Variants in STAB1 observed in about 807,000 individuals in gnomAD.
STAB1 encodes stabilin 1, also known as stabilin-1.
A neutral mutation model predicts 332.4 loss-of-function variants in STAB1; 250 were observed. The observed-to-expected ratio is 0.75, with a 90% CI of 0.68 to 0.84. The LOEUF (loss-of-function observed/expected upper bound fraction) is 0.84, where lower values mean the gene tolerates loss of function less well. STAB1 is among the 40% of genes least tolerant of loss of function. STAB1 has a pLI of 0.00. For synonymous variants in STAB1, 1,475 were observed against 1,390.4 expected, an observed-to-expected ratio of 1.06 and a Z score of -1.35; for missense variants, 3,249 against 3,489.7, an observed-to-expected ratio of 0.93 and a Z score of 1.74.
At position 52,510,441 on chromosome 3, in the gene STAB1, G is replaced by A; in HGVS notation, c.2721G>A (p.Glu907=). The change falls in exon 25 of 69, where the codon GAG becomes GAA. Residue 907 remains glutamate (E), a synonymous_variant. Coordinates refer to ENST00000321725, the MANE Select transcript of STAB1 (RefSeq NM_015136.3). ...GCCGCGTCTGTGTGGCTATTGACGA[G>A]TGTGAGCTGGACATGAGAGGTGGCT... ...GDGRVCVAID[E]CELDMRGGCH... 6.2e-7 allele frequency: 1 copy of A among 1,613,744 alleles called. No homozygotes were observed. Among genetic ancestry groups the A allele is most frequent in the Non-Finnish European group, 8.5e-7 (1 of 1,179,918 alleles).
intron 40 of STAB1, 35 bp downstream of exon 40, chr3:52,516,622 G>A: frequency 6.2e-7 from 1 of 1,612,604 alleles, no homozygotes; most frequent in Non-Finnish European, 8.5e-7. Context: ...GTGGGTGAGT[G>A]GCGGGGAGCC....
intron 1 of STAB1, among the ~76,000 whole-genome samples, chr3:52,497,855 T>C (rs1259225446): frequency 6.6e-6 from 1 of 152,172 alleles, no homozygotes; most frequent in Non-Finnish European, 1.5e-5. Context: ...CCGGGTAACC[T>C]GTTCAGTAAG....
chr3:52,504,284 G>T (rs7613444), intron 10 of STAB1, 129 bp downstream of exon 10: 6 of 1,467,308 alleles, frequency 4.1e-6, no homozygotes, highest in East Asian at 2.5e-5. Context: ...GGTGGCTGTG[G>T]GGGGTGCATG....
Position 52,524,398 on chromosome 3 carries a change from C to T in STAB1, c.*42C>T. On this transcript the variant is annotated 3_prime_UTR_variant, in exon 69 of 69. Transcript: ENST00000321725. ...AGCAGAAGCATGCACAGGGAGGAGA[C>T]CACTTTTATTGCTTGTCTGGGTGGA... 6.2e-7 allele frequency: 1 copy of T among 1,612,754 alleles called. No individual in the cohort carries two copies. Among genetic ancestry groups the T allele is most frequent in the Non-Finnish European group, 8.5e-7 (1 of 1,179,510 alleles).
chr3:52,514,445 C>A lies in STAB1; in HGVS notation c.3627C>A (p.Asn1209Lys). 2.6e-6 allele frequency: 4 copies of A among 1,555,010 alleles called. No homozygotes were observed. The highest frequency in any genetic ancestry group is 3.5e-6 in the Non-Finnish European group (4 of 1,150,142). Residue 1209 changes from asparagine to lysine, a missense_variant, in exon 34 of 69, where the codon AAC becomes AAA. Physicochemically the swap from Asn to Lys is moderately conservative, Grantham distance 94. Transcript: ENST00000321725. ...CCCTGCGGAAGGGTGGACACCGCAA[C>A]TCCCTCCTGGGCCCTGCCCACTGGA... is the stretch of plus-strand genomic sequence containing the variant. Reference protein sequence around the residue: ...METLRKGGHRNSLLGPAHWIV... With the variant: ...METLRKGGHRKSLLGPAHWIV...
intron 18 of STAB1, 104 bp downstream of exon 18, chr3:52,506,954 C>T (rs1221535234): frequency 1.4e-5 from 21 of 1,494,882 alleles, no homozygotes; most frequent in East Asian, 4.7e-5. Context: ...GCTGGGCTGA[C>T]GCCGGCTCTG....
chr3:52,497,538 A>G (rs2153232401), intron 1 of STAB1, among the ~76,000 whole-genome samples: 1 of 148,756 alleles, frequency 6.7e-6, no homozygotes, highest in Admixed American at 6.9e-5. Context: ...TCAGCCTCCC[A>G]AGTAGCTGGG....
intron 48 of STAB1, 139 bp downstream of exon 48, chr3:52,519,008 G>A (rs2078979303): frequency 3.5e-6 from 4 of 1,139,448 alleles, no homozygotes; most frequent in East Asian, 2.6e-5. Flanking sequence ...AGTCCAGCCC[G>A]GGACTCCGCC....
chr3:52,497,724 T>G (rs1346078265), intron 1 of STAB1, among the ~76,000 whole-genome samples: 1 of 152,190 alleles, frequency 6.6e-6, no homozygotes, highest in Non-Finnish European at 1.5e-5. Flanking sequence ...CGATTCCATT[T>G]TATACCAGGG....
intron 20 of STAB1, 111 bp downstream of exon 20, chr3:52,508,137 C>G: frequency 7.3e-7 from 1 of 1,368,564 alleles, no homozygotes; most frequent in Non-Finnish European, 1.0e-6. Context: ...TGCACTGCAG[C>G]CTGACGGTGG....
At chr3:52,504,193 C>T (rs753670732) in intron 10 of STAB1, 38 bp downstream of exon 10, 1 of 1,557,734 alleles carries the variant, frequency 6.4e-7, no homozygotes, top group Non-Finnish European at 8.7e-7. Flanking sequence ...CCCGACCCCT[C>T]ACCCCCAGCA....
chr3:52,521,650 C>T lies in STAB1; in HGVS notation c.6113C>T (p.Ser2038Phe), dbSNP rs945465357. 2 of 1,613,066 alleles carry T rather than the reference C, an allele frequency of 1.2e-6. No individual in the cohort carries two copies. Among genetic ancestry groups the T allele is most frequent in the East Asian group, 4.5e-5 (2 of 44,896 alleles). ...GATGAGGGCCTTGGGGGCTCTGGCT[C>T]CTGCTTCTGTGATGAAGGCTGGACT... ...RCDEGLGGSG[S>F]CFCDEGWTGP... Residue 2038 changes from serine to phenylalanine, a missense_variant, in exon 57 of 69, where the codon TCC becomes TTC. By Grantham distance (155) the Ser-to-Phe change is radical. Coordinates refer to ENST00000321725, the MANE Select transcript of STAB1 (RefSeq NM_015136.3).
At position 52,512,434 on chromosome 3, in the gene STAB1, C is replaced by G. The variant is rs775116681; in HGVS notation, c.2977C>G (p.Arg993Gly). 1.2e-5 allele frequency: 20 copies of G among 1,609,918 alleles called. No individual in the cohort carries two copies. The highest frequency in any genetic ancestry group is 1.4e-5 in the Non-Finnish European group (17 of 1,178,306). Residue 993 changes from arginine (R) to glycine (G), a missense_variant and splice_region_variant, in exon 27 of 69, where the codon CGG (arginine) becomes GGG (glycine). Arg to Gly is a moderately radical substitution (Grantham distance 125). Transcript: ENST00000321725. Reference sequence around the variant, plus strand: ...CTTCAGCTGTTATGGAGACATCTTCCGGGTAAGGGGTGCTCAGACTCGTTT... The same window carrying G: ...CTTCAGCTGTTATGGAGACATCTTCGGGGTAAGGGGTGCTCAGACTCGTTT... ...DGFSCYGDIF[R>G]ELEANAHFSI... is the part of the protein sequence containing the mutation.
chr3:52,504,187 A>AC (rs1708671547), intron 10 of STAB1, 32 bp downstream of exon 10: 1 of 1,562,714 alleles, frequency 6.4e-7, no homozygotes, highest in Non-Finnish European at 8.6e-7. Context: ...CCACGACCCG[A>AC]CCCCTCACCC....
chr3:52,502,978 T>C (rs1708562525), intron 6 of STAB1, 21 bp from the exon 7 acceptor site: 4 of 1,527,292 alleles, frequency 2.6e-6, no homozygotes, highest in Non-Finnish European at 3.5e-6. Flanking sequence ...GGCTCATCAG[T>C]GCTCTCTCCA....
intron 59 of STAB1, 45 bp from the exon 60 acceptor site, chr3:52,522,285 G>C (rs770922183): frequency 8.1e-6 from 13 of 1,611,304 alleles, no homozygotes; most frequent in South Asian, 2.2e-5. Context: ...CAGAACTTCC[G>C]ACCTCTGAAG....
intron 14 of STAB1, 121 bp downstream of exon 14, chr3:52,505,502 G>A: frequency 1.6e-6 from 2 of 1,232,582 alleles, no homozygotes; most frequent in Non-Finnish European, 2.3e-6. Context: ...CTCTGCCCAT[G>A]CCCCCGTCCT....
intron 23 of STAB1, 36 bp downstream of exon 23, chr3:52,510,092 A>G: frequency 1.2e-6 from 2 of 1,613,400 alleles, no homozygotes; most frequent in Non-Finnish European, 8.5e-7. Flanking sequence ...CCCACCCGTG[A>G]CCTTTCATAC....
Position 52,521,618 on chromosome 3 carries a change from C to T in STAB1, c.6081C>T (p.Gly2027=), listed in dbSNP as rs867011897. 5 of 1,612,874 alleles carry T rather than the reference C, an allele frequency of 3.1e-6. No homozygotes were observed. Among genetic ancestry groups the T allele is most frequent in the Admixed American group, 3.3e-5 (2 of 59,932 alleles). ...HCQACRCTVH[G]RCDEGLGGSG... ...CAGCCTGCCGCTGCACTGTGCATGG[C>T]CGCTGTGATGAGGGCCTTGGGGGCT... The change falls in exon 57 of 69, where the codon GGC becomes GGT. Residue 2027 remains glycine, a synonymous_variant. Transcript: ENST00000321725.
Sources: gnomAD v4.1 joint callset for allele counts (sites outside exome capture counted in the v4.1 genomes callset) on GRCh38, gnomAD v4.1.1 for gene constraint, MANE v1.5 for transcripts, NCBI Gene and HGNC (gene_info 2026-07-23, HGNC 2026-07-21) for gene names.